Variants in ACYP2 observed in about 807,000 individuals in gnomAD.
ACYP2 encodes the protein acylphosphatase 2.
Under a neutral mutation model 11.2 loss-of-function variants are expected in ACYP2, and 12 were observed. The observed-to-expected ratio is 1.08, with a 90% CI of 0.69 to 1.74. ACYP2 has a LOEUF of 1.74. ACYP2 is among the 40% of genes most tolerant of loss of function. The pLI is 0.00. For synonymous variants in ACYP2, 43 were observed against 32.2 expected (o/e 1.33, Z -1.13); for missense variants, 134 against 101.9 (o/e 1.31, Z -1.35).
intron 4 of ACYP2, among the ~76,000 whole-genome samples, chr2:54,064,952 C>T (rs1018504024): frequency 1.3e-5 from 2 of 152,092 alleles, no homozygotes; most frequent in African/African-American, 4.8e-5. Flanking sequence ...GGTGTGGTGG[C>T]ACAGGCCTGT....
chr2:53,977,785 C>T (rs3930909), intron 2 of ACYP2, among the ~76,000 whole-genome samples: 14,896 of 151,004 alleles, frequency 0.099, 956 homozygotes, highest in African/African-American at 0.18. Context: ...GATCCAGTAA[C>T]GCTGCCTCAA....
At chr2:54,069,074 G>A (rs1485443787) in intron 4 of ACYP2, among the ~76,000 whole-genome samples, 2 of 151,884 alleles carry the variant, frequency 1.3e-5, no homozygotes, top group Non-Finnish European at 2.9e-5. Flanking sequence ...ACTACATGTG[G>A]CACCACCACA....
At chr2:54,017,221 C>CCGGGCAAAAGGGAACAAGGACTGT (rs1673737539) in intron 2 of ACYP2, among the ~76,000 whole-genome samples, 13 of 151,608 alleles carry the variant, frequency 8.6e-5, no homozygotes, top group African/African-American at 3.1e-4. Flanking sequence ...CCTAAAGGCC[C>CCGGGCAAAAGGGAACAAGGACTGT]CCTCTCTTTA....
chr2:54,020,457 T>C (rs979751121), intron 2 of ACYP2, among the ~76,000 whole-genome samples: 2 of 152,142 alleles, frequency 1.3e-5, no homozygotes, highest in Non-Finnish European at 2.9e-5. Flanking sequence ...AGCCAAAAAT[T>C]ACATAGCTCA....
intron 2 of ACYP2, among the ~76,000 whole-genome samples, chr2:53,978,979 T>C (rs930521069): frequency 3.3e-5 from 5 of 151,966 alleles, no homozygotes; most frequent in African/African-American, 4.8e-5. Flanking sequence ...TACCTGATAA[T>C]AATAAACGAC....
chr2:54,219,811 T>A (rs56349626), intron 6 of ACYP2, among the ~76,000 whole-genome samples: 33,824 of 117,192 alleles, frequency 0.29, 4,105 homozygotes, highest in East Asian at 0.42. Context: ...GTGTGTGTGT[T>A]TGTGTATGTG....
chr2:54,254,379 G>A (rs1687381864), intron 6 of ACYP2: 1 of 153,414 alleles, frequency 6.5e-6, no homozygotes. Context: ...CAGTACTTGG[G>A]AATAGCCAGT....
In ACYP2 at chr2:54,304,767, A is replaced by C; in HGVS notation, c.484A>C (p.Lys162Gln). The C allele has an allele frequency of 6.2e-7, 1 of 1,610,900 alleles. No homozygotes were observed. The highest frequency in any genetic ancestry group is 1.3e-5 in the African/African-American group (1 of 74,924). The change falls in exon 7 of 7, where the codon AAG (lysine) becomes CAG (glutamine). Residue 162 changes from lysine (K) to glutamine (Q), a missense_variant. By Grantham distance (53) the Lys-to-Gln change is moderately conservative. Coordinates refer to ENST00000607452, the MANE Select transcript of ACYP2 (RefSeq NM_001320586.2). The stretch of plus-strand genomic sequence containing the variant: ...CTTTTCTAATGAAAAAACCATCTCT[A>C]AGCTTGAATACTCTAATTTTAGTAT...
chr2:54,219,530 A>G (rs1449588588), intron 6 of ACYP2, among the ~76,000 whole-genome samples: 1 of 152,214 alleles, frequency 6.6e-6, no homozygotes, highest in Non-Finnish European at 1.5e-5. Context: ...CATATATTAA[A>G]GTTTAAAAGA....
In ACYP2 at chr2:54,057,356, C is replaced by T; in HGVS notation, c.273C>T (p.Cys91=). 2.5e-6 allele frequency: 1 copy of T among 397,798 alleles called. No individual in the cohort carries two copies. Among genetic ancestry groups the T allele is most frequent in the Non-Finnish European group, 4.4e-6 (1 of 225,562 alleles). The allele number at this position is 397,798 out of a possible 1,614,324, so 24.6% of individuals were successfully genotyped here. ...CTACTTTCATAAAATCAACAATTTG[C>T]TTAAGTAAGTCTTCAAAATAAATAC... Residue 91 remains cysteine (C), a synonymous_variant, in exon 4 of 7, where the codon TGC becomes TGT. Coordinates refer to ENST00000607452, the MANE Select transcript of ACYP2 (RefSeq NM_001320586.2).
At chr2:54,115,871 G>A in intron 4 of ACYP2, 115 bp downstream of exon 1, 3 of 1,304,582 alleles carry the variant, frequency 2.3e-6, no homozygotes, top group Admixed American at 6.6e-5. Context: ...TGGGACTTCC[G>A]CTCCGCCATG....
At chr2:54,109,177 A>C (rs1288389111) in intron 4 of ACYP2, among the ~76,000 whole-genome samples, 2 of 152,246 alleles carry the variant, frequency 1.3e-5, no homozygotes, top group Non-Finnish European at 2.9e-5. Flanking sequence ...GAGTAGATAA[A>C]GAAAATGTGG....
intron 4 of ACYP2, among the ~76,000 whole-genome samples, chr2:54,113,510 T>A (rs530638535): frequency 6.6e-6 from 1 of 152,162 alleles, no homozygotes; most frequent in South Asian, 2.1e-4. Context: ...CCTCCCAACA[T>A]GTTGGGATTA....
At chr2:54,102,638 C>CAAAAAAAAAAAAAAAAAAAAAAA (rs58842257) in intron 4 of ACYP2, among the ~76,000 whole-genome samples, 9 of 83,328 alleles carry the variant, frequency 1.1e-4, no homozygotes, top group Admixed American at 2.9e-4. Context: ...TGGCTTAAGC[C>CAAAAAAAAAAAAAAAAAAAAAAA]AAAAAAAAAA....
chr2:54,182,026 A>G (rs1403855935), intron 6 of ACYP2, among the ~76,000 whole-genome samples: 1 of 147,444 alleles, frequency 6.8e-6, no homozygotes, highest in East Asian at 1.9e-4. Flanking sequence ...AATAACAAAG[A>G]AAACAGAAAA....
At chr2:54,277,727 CTAGA>C (rs918343702) in intron 6 of ACYP2, among the ~76,000 whole-genome samples, 2 of 152,042 alleles carry the variant, frequency 1.3e-5, no homozygotes, top group Admixed American at 6.5e-5. Context: ...ATTTCATGTG[CTAGA>C]TAATCATAGG....
chr2:54,173,074 G>A (rs1261809451), intron 6 of ACYP2, among the ~76,000 whole-genome samples: 3 of 152,200 alleles, frequency 2.0e-5, no homozygotes, highest in East Asian at 1.9e-4. Flanking sequence ...TAATGGGATC[G>A]TTATGTCAAA....
chr2:54,113,210 C>G (rs936371015), intron 4 of ACYP2, among the ~76,000 whole-genome samples: 1 of 151,018 alleles, frequency 6.6e-6, no homozygotes, highest in Non-Finnish European at 1.5e-5. Context: ...TGACAAGAAA[C>G]AAGAGTCTGC....
chr2:54,097,177 T>TA (rs1678640062), intron 4 of ACYP2, among the ~76,000 whole-genome samples: 1 of 152,236 alleles, frequency 6.6e-6, no homozygotes, highest in African/African-American at 2.4e-5. Context: ...ACTTGCTATT[T>TA]AAAACTACAG....
Sources: allele counts gnomAD v4.1 joint callset (sites outside exome capture counted in the v4.1 genomes callset), GRCh38; gene constraint gnomAD v4.1.1; transcripts MANE v1.5; gene names NCBI Gene and HGNC (gene_info 2026-07-23, HGNC 2026-07-21).